Variants in TBC1D4 observed in about 807,000 individuals in gnomAD.
TBC1D4 encodes the protein TBC1 domain family member 4, also known as TBC (Tre-2, BUB2, CDC16) domain-containing protein.
Under a neutral mutation model 142.5 loss-of-function variants are expected in TBC1D4, and 121 were observed. That is an observed-to-expected ratio of 0.85 (90% confidence interval 0.73 to 0.99). The LOEUF is 0.99. Ranked by LOEUF, TBC1D4 falls within the 50% of genes least tolerant of loss-of-function variation. TBC1D4 has a pLI of 0.00. For synonymous variants in TBC1D4, 630 were observed against 628.2 expected (o/e 1.00, Z -0.04); for missense variants, 1,475 against 1,606.6 (o/e 0.92, Z 1.40).
chr13:75,407,349 T>TC (rs1196647800), intron 1 of TBC1D4, among the ~76,000 whole-genome samples: 1 of 152,144 alleles, frequency 6.6e-6, no homozygotes, highest in Non-Finnish European at 1.5e-5. Context: ...TCAGATCAAT[T>TC]CCCTCCAAAT....
At chr13:75,321,002 T>C (rs1473765580) in intron 11 of TBC1D4, among the ~76,000 whole-genome samples, 2 of 149,934 alleles carry the variant, frequency 1.3e-5, no homozygotes, top group African/African-American at 2.5e-5. Context: ...ATTGAGCCAC[T>C]GCACTCCAGC....
rs1431632573 is a variant in TBC1D4, at chr13:75,362,398, G to C, written c.708C>G (p.Arg236=). The C allele has an allele frequency of 1.2e-6, 2 of 1,614,226 alleles. No individual in the cohort carries two copies. The highest frequency in any genetic ancestry group is 1.7e-6 in the Non-Finnish European group (2 of 1,180,038). Residue 236 remains arginine, a synonymous_variant, in exon 2 of 21, where the codon CGC becomes CGG. Coordinates refer to ENST00000377636, the MANE Select transcript of TBC1D4 (RefSeq NM_014832.5). The surrounding 1 kb of genome is among the most constrained non-coding windows in gnomAD (Gnocchi z 4.2). Reference sequence around the variant, plus strand: ...CGCGCTGCTCCCCTTGGATCTTCAGGCGCTGCTGTTCGTGCAGGCTGAACT... The same window carrying C: ...CGCGCTGCTCCCCTTGGATCTTCAGCCGCTGCTGTTCGTGCAGGCTGAACT... The part of the protein sequence containing the change: ...MEKFSLHEQQ[R]LKIQGEQRGP...
chr13:75,391,182 C>T (rs902135695), intron 1 of TBC1D4, among the ~76,000 whole-genome samples: 2 of 132,524 alleles, frequency 1.5e-5, no homozygotes, highest in Admixed American at 1.6e-4. Flanking sequence ...CTACTCTATC[C>T]TCCCCATCAG....
intron 1 of TBC1D4, among the ~76,000 whole-genome samples, chr13:75,445,505 G>T (rs2138216027): frequency 6.6e-6 from 1 of 152,256 alleles, no homozygotes; most frequent in South Asian, 2.1e-4. Flanking sequence ...AATCCACTGA[G>T]ATCGTATATG....
intron 5 of TBC1D4, among the ~76,000 whole-genome samples, chr13:75,348,798 T>C (rs1049087156): frequency 6.6e-6 from 1 of 152,126 alleles, no homozygotes; most frequent in Non-Finnish European, 1.5e-5. Context: ...CATTCTGTGA[T>C]GGTTTTGTCT....
intron 1 of TBC1D4, among the ~76,000 whole-genome samples, chr13:75,451,514 T>C (rs1475108182): frequency 6.7e-6 from 1 of 149,872 alleles, no homozygotes; most frequent in Non-Finnish European, 1.5e-5. Context: ...ACTCCATCTC[T>C]ACAAAATATA....
At chr13:75,315,427 T>C (rs201118342) in intron 12 of TBC1D4, among the ~76,000 whole-genome samples, 395 of 21,654 alleles carry the variant, frequency 0.018, 3 homozygotes, top group East Asian at 0.057. Context: ...TACACACACA[T>C]ATATATATAT....
At chr13:75,410,925 G>C (rs1885621920) in intron 1 of TBC1D4, among the ~76,000 whole-genome samples, 1 of 104,290 alleles carries the variant, frequency 9.6e-6, no homozygotes, top group African/African-American at 4.0e-5. Flanking sequence ...GACAGAGCGA[G>C]ACTCCGTCTC....
intron 7 of TBC1D4, among the ~76,000 whole-genome samples, chr13:75,338,288 A>G (rs1035359238): frequency 2.0e-5 from 3 of 148,452 alleles, no homozygotes; most frequent in Non-Finnish European, 4.5e-5. Flanking sequence ...AAAGGAGAGG[A>G]AAAAAAAAAC....
At chr13:75,366,554 A>C (rs1882921064) in intron 1 of TBC1D4, among the ~76,000 whole-genome samples, 2 of 152,192 alleles carry the variant, frequency 1.3e-5, no homozygotes, top group Non-Finnish European at 2.9e-5. Flanking sequence ...TAAGGGTCTC[A>C]TTATATTTAG....
chr13:75,429,108 G>A (rs1169701448), intron 1 of TBC1D4, among the ~76,000 whole-genome samples: 2 of 152,066 alleles, frequency 1.3e-5, no homozygotes. Flanking sequence ...AACTTTTTTG[G>A]TGTTTTCTTT....
chr13:75,447,558 TTA>T (rs1228563564), intron 1 of TBC1D4, among the ~76,000 whole-genome samples: 1 of 149,442 alleles, frequency 6.7e-6, no homozygotes, highest in Admixed American at 6.7e-5. Context: ...CCAGTACTGT[TTA>T]TATATATATA....
chr13:75,473,671 A>G (rs1158910078), intron 1 of TBC1D4, among the ~76,000 whole-genome samples: 6 of 152,198 alleles, frequency 3.9e-5, no homozygotes, highest in Admixed American at 3.9e-4. Flanking sequence ...TCCAACCCCA[A>G]CATCTTGCAA....
chr13:75,401,893 A>G (rs1315280862), intron 1 of TBC1D4, among the ~76,000 whole-genome samples: 1 of 152,232 alleles, frequency 6.6e-6, no homozygotes, highest in Admixed American at 6.5e-5. Context: ...GAATGTTTCA[A>G]TTAACAGAAA....
intron 1 of TBC1D4, among the ~76,000 whole-genome samples, chr13:75,438,891 G>T (rs958352918): frequency 3.3e-5 from 5 of 152,170 alleles, no homozygotes; most frequent in African/African-American, 1.2e-4. Context: ...TTATTTTAGT[G>T]CCAAATATTT....
chr13:75,311,605 GCTCC>G (rs1323985322), intron 13 of TBC1D4, among the ~76,000 whole-genome samples: 6 of 151,934 alleles, frequency 3.9e-5, no homozygotes, highest in African/African-American at 1.5e-4. Context: ...GCTTTTAACT[GCTCC>G]CTAGATCCGT....
At chr13:75,355,454 T>C in intron 4 of TBC1D4, among the ~76,000 whole-genome samples, 1 of 152,190 alleles carries the variant, frequency 6.6e-6, no homozygotes, top group East Asian at 1.9e-4. Context: ...GAACTCCAAT[T>C]ACCTTGAACT....
chr13:75,362,047 C>T lies in TBC1D4; in HGVS notation c.1059G>A (p.Lys353=). The change falls in exon 2 of 21, where the codon AAG becomes AAA. Residue 353 remains lysine (K), a synonymous_variant. Transcript: ENST00000377636. This position sits in a 1 kb window ranked among gnomAD's most constrained non-coding sequence, Gnocchi z 4.2. The part of the protein sequence containing the change: ...PSHVQPSDSE[K]NRTMLFQVGR... ...GTACCTGGAAGAGCATGGTCCTGTT[C>T]TTCTCCGAGTCCGAGGGCTGGACGT... is the stretch of plus-strand genomic sequence containing the variant. 1 of 1,614,070 alleles carries T rather than the reference C, an allele frequency of 6.2e-7. No homozygotes were observed. Among genetic ancestry groups the T allele is most frequent in the Middle Eastern group, 1.7e-4 (1 of 6,060 alleles).
intron 1 of TBC1D4, among the ~76,000 whole-genome samples, chr13:75,405,338 C>T (rs938836866): frequency 1.4e-5 from 2 of 145,232 alleles, no homozygotes; most frequent in African/African-American, 2.6e-5. Context: ...GGTGCAATCT[C>T]GGCTCACTGC....
Sources: allele counts gnomAD v4.1 joint callset (sites outside exome capture counted in the v4.1 genomes callset), GRCh38; gene constraint gnomAD v4.1.1; non-coding constraint Gnocchi (gnomAD v3.1); transcripts MANE v1.5; gene names NCBI Gene and HGNC (gene_info 2026-07-23, HGNC 2026-07-21).